Variants in MIER2 observed in about 807,000 individuals in gnomAD.
MIER2 encodes mesoderm induction early response protein 2.
A neutral mutation model predicts 67.6 loss-of-function variants in MIER2; 30 were observed. The ratio of observed to expected loss-of-function variants is 0.44; its 90% CI spans 0.33 to 0.60. MIER2 has a LOEUF of 0.60. Ranked by LOEUF, MIER2 falls within the 20% of genes least tolerant of loss-of-function variation. MIER2 has a pLI of 0.02. For synonymous variants in MIER2, 372 were observed against 312.6 expected (o/e 1.19, Z -2.00); for missense variants, 702 against 745.1 (o/e 0.94, Z 0.67).
intron 10 of MIER2, among the ~76,000 whole-genome samples, chr19:309,516 A>G (rs929402788): frequency 1.3e-5 from 2 of 152,044 alleles, no homozygotes; most frequent in Admixed American, 1.3e-4. Flanking sequence ...AAAATTCCCA[A>G]CGTAGCACAT....
At chr19:344,271 C>CG in intron 1 of MIER2, 1 of 985,296 alleles carries the variant, frequency 1.0e-6, no homozygotes, top group Non-Finnish European at 1.2e-6. Flanking sequence ...CCAGCCCCGC[C>CG]GGGGGGCTCG....
chr19:324,292 A>G lies in MIER2; in HGVS notation c.655+1343T>C, dbSNP rs953511738. Among the ~76,000 whole-genome samples the G allele has an allele frequency of 2.9e-5, 4 of 139,220 alleles. 1 individual carries two copies. The highest frequency in any genetic ancestry group is 1.2e-4 in the African/African-American group (4 of 34,446). The allele number at this position is 139,220 out of a possible 152,430, so 91.3% of individuals were successfully genotyped here. On this transcript the variant is annotated intron_variant, in intron 7 of 13. Transcript: ENST00000264819. The stretch of plus-strand genomic sequence containing the variant: ...AATGACACAGGTGTCATCACAATGC[A>G]ATACACAAGACACACACAACCACGC...
At chr19:339,024 G>T (rs1262155644) in intron 1 of MIER2, among the ~76,000 whole-genome samples, 1 of 149,016 alleles carries the variant, frequency 6.7e-6, no homozygotes, top group African/African-American at 2.5e-5. Context: ...AAAAAAGTTT[G>T]TGACCTTGGA....
At chr19:307,648 A>C in intron 12 of MIER2, 112 bp from the exon 13 acceptor site, 1 of 1,142,574 alleles carries the variant, frequency 8.8e-7, no homozygotes, top group Non-Finnish European at 1.2e-6. Flanking sequence ...CTCCCCAGAA[A>C]AGCCTCCACA....
intron 1 of MIER2, among the ~76,000 whole-genome samples, chr19:341,951 T>C (rs766774863): frequency 3.9e-5 from 6 of 152,010 alleles, no homozygotes; most frequent in Non-Finnish European, 5.9e-5. Flanking sequence ...CCCACAGGTA[T>C]AGAGTGCACC....
chr19:327,892 G>C lies in MIER2; in HGVS notation c.341C>G (p.Pro114Arg). ...GTCCAGGGTCATGTCTGGGAGGTTC[G>C]GGGCCACGTCACCACCCTCACTCTC... ...DRESEGGDVA[P>R]NLPDMTLDKE... Residue 114 changes from proline to arginine, a missense_variant, in exon 4 of 14, where the codon CCG (proline) becomes CGG (arginine). By Grantham distance (103) the Pro-to-Arg change is moderately radical (BLOSUM62 -2). Around this residue, in one of 3 missense-constraint regions of MIER2, gnomAD observed 320 missense variants for 292.6 expected, o/e 1.09. Coordinates refer to ENST00000264819, the MANE Select transcript of MIER2 (RefSeq NM_017550.3). 2 of 1,612,366 alleles carry C rather than the reference G, an allele frequency of 1.2e-6. No individual in the cohort carries two copies. Among genetic ancestry groups the C allele is most frequent in the Non-Finnish European group, 1.7e-6 (2 of 1,179,194 alleles).
intron 3 of MIER2, 77 bp from the exon 4 acceptor site, chr19:328,066 C>T (rs1971847246): frequency 6.3e-7 from 1 of 1,575,144 alleles, no homozygotes; most frequent in South Asian, 1.2e-5. Flanking sequence ...CTTGCCTGAG[C>T]CTCACTGGCC....
chr19:318,128 C>T (rs1369073059), intron 7 of MIER2, among the ~76,000 whole-genome samples: 1 of 152,136 alleles, frequency 6.6e-6, no homozygotes, highest in African/African-American at 2.4e-5. Context: ...TGCTTGAACC[C>T]GGGAGGCGGA....
chr19:315,447 C>T (rs1489265048), intron 7 of MIER2, among the ~76,000 whole-genome samples: 1 of 152,238 alleles, frequency 6.6e-6, no homozygotes, highest in African/African-American at 2.4e-5. Context: ...CACACGAAGA[C>T]TTCAATCTAA....
At chr19:342,954 C>G (rs1972569554) in intron 1 of MIER2, among the ~76,000 whole-genome samples, 1 of 152,130 alleles carries the variant, frequency 6.6e-6, no homozygotes, top group Non-Finnish European at 1.5e-5. Flanking sequence ...CATGGCTCCT[C>G]ACGCTCAGCA....
At chr19:337,536 T>C (rs1032723265) in intron 1 of MIER2, among the ~76,000 whole-genome samples, 1 of 152,020 alleles carries the variant, frequency 6.6e-6, no homozygotes. Context: ...GGCTGGATGG[T>C]GTAGTCAGCG....
intron 1 of MIER2, chr19:344,497 C>A: frequency 2.0e-6 from 1 of 495,466 alleles, no homozygotes; most frequent in Non-Finnish European, 2.6e-6. Flanking sequence ...CCCTCCCCTC[C>A]CCCACCCCGG....
chr19:328,322 G>A (rs575765034), intron 3 of MIER2, among the ~76,000 whole-genome samples: 2 of 151,634 alleles, frequency 1.3e-5, no homozygotes, highest in Admixed American at 6.6e-5. Flanking sequence ...AGGATGGTGC[G>A]ACACCTGGCA....
chr19:329,715 T>C (rs1477136175), intron 3 of MIER2, among the ~76,000 whole-genome samples: 1 of 151,846 alleles, frequency 6.6e-6, no homozygotes, highest in Non-Finnish European at 1.5e-5. Flanking sequence ...GGAGAAACCC[T>C]GTCTCTACTA....
chr19:341,850 G>A lies in MIER2; in HGVS notation c.9+2924C>T, dbSNP rs530436337. Among the ~76,000 whole-genome samples the A allele has an allele frequency of 2.0e-5, 3 of 152,280 alleles. No homozygotes were observed. The South Asian group carries it at 6.2e-4, about 32-fold the overall frequency. On this transcript the variant is annotated intron_variant, in intron 1 of 13. Coordinates refer to ENST00000264819, the MANE Select transcript of MIER2 (RefSeq NM_017550.3). ...ACCCAGGCGTCCACCAGGGTCTTCA[G>A]GCAGTAGAAGCGGCAGCCAGCTACT...
At chr19:320,906 A>G (rs1971473667) in intron 7 of MIER2, among the ~76,000 whole-genome samples, 1 of 152,226 alleles carries the variant, frequency 6.6e-6, no homozygotes, top group Non-Finnish European at 1.5e-5. Flanking sequence ...TTTCTCTGAA[A>G]GGGACATCAT....
chr19:344,673 G>C, intron 1 of MIER2, 101 bp downstream of exon 1: 3 of 789,810 alleles, frequency 3.8e-6, no homozygotes, highest in Non-Finnish European at 4.8e-6. Context: ...CTCCAGAGCG[G>C]GGCTCTCCGT....
At chr19:321,382 C>A (rs1334824254) in intron 7 of MIER2, among the ~76,000 whole-genome samples, 2 of 152,206 alleles carry the variant, frequency 1.3e-5, no homozygotes, top group African/African-American at 4.8e-5. Flanking sequence ...CAGGGGCTCA[C>A]ACCTGTAATC....
chr19:314,812 G>A (rs757027359), intron 7 of MIER2, among the ~76,000 whole-genome samples: 6 of 152,142 alleles, frequency 3.9e-5, no homozygotes, highest in Non-Finnish European at 7.3e-5. Flanking sequence ...AACATTAACC[G>A]GATGTGAGGG....
Sources: gnomAD v4.1 joint callset for allele counts (sites outside exome capture counted in the v4.1 genomes callset) on GRCh38, gnomAD v4.1.1 for gene constraint, gnomAD v4.1.1 regional missense constraint, MANE v1.5 for transcripts, NCBI Gene and HGNC (gene_info 2026-07-23, HGNC 2026-07-21) for gene names.